DNAI3: variants seen among roughly 807,000 people sequenced by gnomAD.
The protein encoded by DNAI3 is dynein axonemal intermediate chain 3, also known as WD repeat domain 63.
Under a neutral mutation model 115.5 loss-of-function variants are expected in DNAI3, and 83 were observed. The ratio of observed to expected loss-of-function variants is 0.72; its 90% confidence interval spans 0.60 to 0.86. The LOEUF is 0.86. Among genes scored for constraint, DNAI3 ranks in the 40% least tolerant of loss-of-function variants. The pLI, the probability that DNAI3 is intolerant of heterozygous loss-of-function variation, is 0.00. For missense variants in DNAI3, 1,004 were observed against 1,075.8 expected (o/e 0.93, Z 0.93); for synonymous variants, 320 against 347.0 (o/e 0.92, Z 0.86).
chr1:85,066,314 CTTTTTTTTTTTTTTTTT>C (rs57553075), intron 1 of DNAI3, among the ~76,000 whole-genome samples: 7 of 70,036 alleles, frequency 1.0e-4, no homozygotes, highest in African/African-American at 4.3e-4. Flanking sequence ...TTCTGCTACT[CTTTTTTTTTTTTTTTTT>C]TTTTTTTTTG....
intron 1 of DNAI3, among the ~76,000 whole-genome samples, chr1:85,067,940 G>A (rs1220244540): frequency 6.6e-6 from 1 of 152,196 alleles, no homozygotes; most frequent in Non-Finnish European, 1.5e-5. Flanking sequence ...AAAGCTGTAA[G>A]ATAATAGATT....
chr1:85,120,313 G>A (rs1040478898), intron 17 of DNAI3, among the ~76,000 whole-genome samples: 4 of 152,210 alleles, frequency 2.6e-5, no homozygotes, highest in African/African-American at 4.8e-5. Context: ...GAACCCTGGA[G>A]GGAGAGAAGA....
chr1:85,079,107 C>T (rs1406382523), intron 3 of DNAI3, among the ~76,000 whole-genome samples: 1 of 152,212 alleles, frequency 6.6e-6, no homozygotes, highest in Non-Finnish European at 1.5e-5. Context: ...CTCACAGTCC[C>T]ACCTAGTGGT....
intron 10 of DNAI3, 48 bp from the exon 11 acceptor site, chr1:85,095,883 C>T (rs1479650522): frequency 6.5e-7 from 1 of 1,533,884 alleles, no homozygotes; most frequent in Non-Finnish European, 9.0e-7. Context: ...TCGCCATGAT[C>T]TTAATCTCTT....
At chr1:85,080,046 CTTTTTTTTTTTTT>C (rs35938324) in intron 3 of DNAI3, among the ~76,000 whole-genome samples, 15 of 68,398 alleles carry the variant, frequency 2.2e-4, no homozygotes, top group Non-Finnish European at 5.4e-5. Flanking sequence ...TTTTCTTTTT[CTTTTTTTTTTTTT>C]TTTTTTTTTT....
intron 7 of DNAI3, among the ~76,000 whole-genome samples, chr1:85,086,965 TCTC>T (rs1474190276): frequency 6.6e-6 from 1 of 151,874 alleles, no homozygotes; most frequent in Non-Finnish European, 1.5e-5. Flanking sequence ...CTCCCACAGT[TCTC>T]CCTGCTCATC....
chr1:85,098,773 G>A, intron 13 of DNAI3, 115 bp downstream of exon 13: 1 of 1,459,666 alleles, frequency 6.9e-7, no homozygotes, highest in African/African-American at 1.4e-5. Context: ...GAAATAACCA[G>A]GAACTAAGCA....
chr1:85,095,831 T>C (rs1655105974), intron 10 of DNAI3, 100 bp from the exon 11 acceptor site: 4 of 1,142,322 alleles, frequency 3.5e-6, no homozygotes, highest in Non-Finnish European at 3.9e-6. Context: ...TGCTTATAGA[T>C]AGCTATAAAA....
Position 85,128,741 on chromosome 1 carries a change from A to G in DNAI3, c.2351A>G (p.Tyr784Cys). The G allele has an allele frequency of 6.2e-7, 1 of 1,611,980 alleles. No homozygotes were observed. Among genetic ancestry groups the G allele is most frequent in the Non-Finnish European group, 8.5e-7 (1 of 1,179,626 alleles). The change falls in exon 21 of 23, where the codon TAT (tyrosine) becomes TGT (cysteine). Residue 784 changes from tyrosine (Y) to cysteine (C), a missense_variant. Tyr to Cys is a radical substitution (Grantham distance 194). Transcript: ENST00000294664. ...CAATTTATAGCCACAGCTGATTATTATGGAACACTGCATATATTAGAAATT... is the reference window on the plus strand; with the variant it reads ...CAATTTATAGCCACAGCTGATTATTGTGGAACACTGCATATATTAGAAATT... The part of the protein sequence containing the change: ...KQQFIATADY[Y>C]GTLHILEIPW...
chr1:85,082,947 T>C (rs1399568391), intron 5 of DNAI3, among the ~76,000 whole-genome samples: 1 of 152,164 alleles, frequency 6.6e-6, no homozygotes, highest in East Asian at 1.9e-4. Flanking sequence ...GAGCCTCTCA[T>C]TGGTAAAATG....
intron 11 of DNAI3, among the ~76,000 whole-genome samples, chr1:85,096,259 TTTGTG>T (rs376768766): frequency 9.0e-4 from 137 of 152,176 alleles, no homozygotes; most frequent in African/African-American, 3.2e-3. Flanking sequence ...GTGAAATCTA[TTTGTG>T]TTGCTGGGAC....
rs1557715144 is a variant in DNAI3, at chr1:85,094,438, A to T, written c.1056A>T (p.Ile352=). The part of the protein sequence containing the change: ...VSWHPTIYGL[I]AVSVAVRLSF... Reference sequence around the variant, plus strand: ...TACATGTGTTTCCATCAGGGCTAATAGCTGTGTCGGTAGCCGTGCGACTTT... The same window carrying T: ...TACATGTGTTTCCATCAGGGCTAATTGCTGTGTCGGTAGCCGTGCGACTTT... The change falls in exon 10 of 23, where the codon ATA becomes ATT. Residue 352 remains isoleucine, a synonymous_variant. Coordinates refer to ENST00000294664, the MANE Select transcript of DNAI3 (RefSeq NM_145172.5). 6.2e-7 allele frequency: 1 copy of T among 1,614,038 alleles called. No homozygotes were observed. Among genetic ancestry groups the T allele is most frequent in the Non-Finnish European group, 8.5e-7 (1 of 1,180,026 alleles).
chr1:85,062,636 A>C (rs541096972), intron 1 of DNAI3, 150 bp downstream of exon 1: 60 of 152,372 alleles, frequency 3.9e-4, no homozygotes, highest in African/African-American at 1.1e-3. Context: ...CTGCTTTCAA[A>C]GAGCTTCCAG....
At chr1:85,074,592 C>G (rs1460222468) in intron 3 of DNAI3, among the ~76,000 whole-genome samples, 1 of 152,192 alleles carries the variant, frequency 6.6e-6, no homozygotes, top group African/African-American at 2.4e-5. Flanking sequence ...TTTCCTTGAC[C>G]TCTGTGTCAC....
chr1:85,108,022 A>AAC lies in DNAI3; in HGVS notation c.1554-11_1554-10insAC. 1.3e-6 allele frequency: 2 copies of AAC among 1,504,810 alleles called. No homozygotes were observed. Among genetic ancestry groups the AAC allele is most frequent in the Non-Finnish European group, 1.8e-6 (2 of 1,131,164 alleles). 93.2% of individuals were successfully genotyped at this position (1,504,810 alleles called of 1,614,324 possible). On this transcript the variant is annotated splice_polypyrimidine_tract_variant and intron_variant, in intron 14 of 22. Coordinates refer to ENST00000294664, the MANE Select transcript of DNAI3 (RefSeq NM_145172.5). Reference sequence around the variant, plus strand: ...TGTACTTAATAAAAAATATATATAAATTTTTTTTAGCACAATATGTTTTTG... The same window carrying AAC: ...TGTACTTAATAAAAAATATATATAAAACTTTTTTTTAGCACAATATGTTTTTG...
At chr1:85,077,849 A>G (rs1654509497) in intron 3 of DNAI3, among the ~76,000 whole-genome samples, 1 of 151,366 alleles carries the variant, frequency 6.6e-6, no homozygotes, top group Non-Finnish European at 1.5e-5. Flanking sequence ...AGCTGTTTTT[A>G]AAAAACTAGA....
At chr1:85,097,317 T>C (rs1040147436) in intron 11 of DNAI3, among the ~76,000 whole-genome samples, 3 of 152,314 alleles carry the variant, frequency 2.0e-5, no homozygotes, top group East Asian at 3.9e-4. Context: ...ACATTTATTT[T>C]GGATTTTTTA....
At position 85,133,113 on chromosome 1, in the gene DNAI3, CCTG is replaced by C; in HGVS notation, c.*118_*120del. 8.2e-7 allele frequency: 1 copy of C among 1,214,216 alleles called. No individual in the cohort carries two copies. The highest frequency in any genetic ancestry group is 1.1e-6 in the Non-Finnish European group (1 of 921,560). The allele number at this position is 1,214,216 out of a possible 1,614,324, so 75.2% of individuals were successfully genotyped here. A position where few individuals can be genotyped will look rare whatever the true frequency, so the allele number is the denominator to read the frequency against. On this transcript the variant is annotated 3_prime_UTR_variant, in exon 23 of 23. Coordinates refer to ENST00000294664, the MANE Select transcript of DNAI3 (RefSeq NM_145172.5). Reference sequence around the variant, plus strand: ...AGGCTCATTTATAGACTTTTATTTCCCTGCTATTAAAACTTTTGAATTTTAGCA... The same window carrying C: ...AGGCTCATTTATAGACTTTTATTTCCCTATTAAAACTTTTGAATTTTAGCA...
At chr1:85,128,159 A>G (rs1344793216) in intron 20 of DNAI3, among the ~76,000 whole-genome samples, 1 of 78,524 alleles carries the variant, frequency 1.3e-5, no homozygotes, top group Middle Eastern at 6.2e-3. Flanking sequence ...AAGAAGAAGA[A>G]GAAGGAGAAG....
Sources: allele counts gnomAD v4.1 joint callset (sites outside exome capture counted in the v4.1 genomes callset), GRCh38; gene constraint gnomAD v4.1.1; transcripts MANE v1.5; gene names NCBI Gene and HGNC (gene_info 2026-07-23, HGNC 2026-07-21).